The following SH3RF2 variants were observed in gnomAD, a reference collection of about 807,000 sequenced individuals.
SH3RF2 encodes the protein E3 ubiquitin-protein ligase SH3RF2.
SH3RF2 carries 43 observed loss-of-function variants against 59.0 expected under a neutral mutation model. That is an observed-to-expected ratio of 0.73 (90% CI 0.57 to 0.94). SH3RF2 has a LOEUF of 0.94. SH3RF2 is among the 40% of genes least tolerant of loss of function. SH3RF2 has a pLI of 0.00. For missense variants in SH3RF2, 930 were observed against 940.1 expected (o/e 0.99, Z 0.14); for synonymous variants, 391 against 391.5 (o/e 1.00, Z 0.01).
intron 2 of SH3RF2, 122 bp downstream of exon 2, chr5:145,938,428 TAA>T: frequency 8.4e-7 from 1 of 1,184,290 alleles, no homozygotes; most frequent in Non-Finnish European, 1.1e-6. Context: ...TTCCCAGTGA[TAA>T]GTTTCTGTGG....
rs528601978 is a variant in SH3RF2, at chr5:145,996,194, G to A, written c.379-3864G>A. 1.3e-4 allele frequency among the ~76,000 whole-genome samples: 20 copies of A among 152,234 alleles called. 1 individual carries two copies. Among genetic ancestry groups the A allele is most frequent in the South Asian group, 1.0e-3 (5 of 4,816 alleles). On this transcript the variant is annotated intron_variant, in intron 2 of 9. Transcript: ENST00000359120. The stretch of plus-strand genomic sequence containing the variant: ...AATTCTTCTTTCAAATGATCATTGC[G>A]GATTCAGGAGATCCATGAAGACCTA...
chr5:145,989,831 T>C (rs1364865901), intron 2 of SH3RF2, among the ~76,000 whole-genome samples: 1 of 152,228 alleles, frequency 6.6e-6, no homozygotes, highest in Non-Finnish European at 1.5e-5. Flanking sequence ...TCACTGTGGT[T>C]GATTCTACTC....
rs192886640 is a variant in SH3RF2 at position 145,937,504 on chromosome 5, G to C, written c.-106-319G>C. ...CTGTCCAGGAGCTTTCCCCGGGCAG[G>C]GGGTAAAGGACCTCTTCCCGCCCTG... On this transcript the variant is annotated intron_variant, in intron 1 of 9. Transcript: ENST00000359120. Among the ~76,000 whole-genome samples the C allele has an allele frequency of 7.9e-5, 12 of 152,250 alleles. No homozygotes were observed. The East Asian group carries it at 2.1e-3, about 27-fold the overall frequency.
At chr5:146,038,360 T>C (rs1762013644) in intron 5 of SH3RF2, among the ~76,000 whole-genome samples, 1 of 152,114 alleles carries the variant, frequency 6.6e-6, no homozygotes. Flanking sequence ...AAGTAAAAGG[T>C]TAAGTCTTTG....
At chr5:145,956,094 C>T (rs1758395811) in intron 2 of SH3RF2, among the ~76,000 whole-genome samples, 1 of 152,104 alleles carries the variant, frequency 6.6e-6, no homozygotes, top group Admixed American at 6.5e-5. Context: ...CATTCTGATT[C>T]AGCAGATCTG....
chr5:146,050,356 C>G lies in SH3RF2; in HGVS notation c.1322+1111C>G, dbSNP rs114169735. 6.7e-3 allele frequency among the ~76,000 whole-genome samples: 1,019 copies of G among 152,232 alleles called. 14 individuals are homozygous for G. Among genetic ancestry groups the G allele is most frequent in the African/African-American group, 0.024 (993 of 41,530 alleles). On this transcript the variant is annotated intron_variant, in intron 7 of 9. Transcript: ENST00000359120. Reference sequence around the variant, plus strand: ...CAATAAAAGGCAGCTTTTTCTAGCCCATAGATTTTTCCAACCAGGCTAGCT... The same window carrying G: ...CAATAAAAGGCAGCTTTTTCTAGCCGATAGATTTTTCCAACCAGGCTAGCT...
intron 4 of SH3RF2, among the ~76,000 whole-genome samples, chr5:146,011,808 C>T (rs1346214649): frequency 6.6e-6 from 1 of 152,174 alleles, no homozygotes; most frequent in African/African-American, 2.4e-5. Flanking sequence ...TCTAAATATA[C>T]AATCATGTCA....
At chr5:145,958,644 G>A (rs1013942803) in intron 2 of SH3RF2, among the ~76,000 whole-genome samples, 1 of 152,162 alleles carries the variant, frequency 6.6e-6, no homozygotes, top group Admixed American at 6.5e-5. Flanking sequence ...TGCAGCGTAG[G>A]CCTAACGAGA....
chr5:146,068,466 T>C (rs1026198276), intron 9 of SH3RF2, among the ~76,000 whole-genome samples: 2 of 152,212 alleles, frequency 1.3e-5, no homozygotes, highest in Non-Finnish European at 2.9e-5. Context: ...AGATTCTCTC[T>C]TTAGCTAAGA....
At chr5:146,016,723 T>G (rs1360272277) in intron 5 of SH3RF2, among the ~76,000 whole-genome samples, 1 of 152,206 alleles carries the variant, frequency 6.6e-6, no homozygotes, top group Admixed American at 6.5e-5. Context: ...ATTCTGCCAA[T>G]GTAGTTTATC....
At chr5:146,026,417 C>G (rs1761532000) in intron 5 of SH3RF2, among the ~76,000 whole-genome samples, 1 of 152,190 alleles carries the variant, frequency 6.6e-6, no homozygotes, top group Admixed American at 6.5e-5. Context: ...TTTTGCCTGT[C>G]TGGGTCCCAG....
At chr5:146,047,424 A>G (rs931658849) in intron 5 of SH3RF2, among the ~76,000 whole-genome samples, 11 of 152,012 alleles carry the variant, frequency 7.2e-5, no homozygotes. Flanking sequence ...ATTTTCCAAG[A>G]GCAGGTTTTC....
In SH3RF2 at chr5:145,962,862, T is replaced by C. The variant is rs182614065; in HGVS notation, c.378+24556T>C. On this transcript the variant is annotated intron_variant, in intron 2 of 9. Coordinates refer to ENST00000359120, the MANE Select transcript of SH3RF2 (RefSeq NM_152550.4). The stretch of plus-strand genomic sequence containing the variant: ...TTTCTCCTTCTGAATTCAGAGTTCT[T>C]TAAGGGCAATCACTGTATTATTCCA... Among the ~76,000 whole-genome samples the C allele has an allele frequency of 1.1e-3, 168 of 151,914 alleles. 3 individuals carry two copies. The highest frequency in any genetic ancestry group is 8.8e-3 in the Admixed American group (135 of 15,256).
At chr5:145,996,518 A>AT (rs5871952) in intron 2 of SH3RF2, among the ~76,000 whole-genome samples, 2 of 151,822 alleles carry the variant, frequency 1.3e-5, no homozygotes, top group African/African-American at 4.8e-5. Flanking sequence ...GCTTGAGCTG[A>AT]TTTTTTTTAA....
intron 2 of SH3RF2, among the ~76,000 whole-genome samples, chr5:145,965,165 C>T (rs1440333568): frequency 1.3e-5 from 2 of 151,954 alleles, no homozygotes; most frequent in Non-Finnish European, 2.9e-5. Flanking sequence ...TGCACTCCAG[C>T]CTGGGTGACA....
intron 5 of SH3RF2, among the ~76,000 whole-genome samples, chr5:146,030,175 C>A (rs1761691643): frequency 6.6e-6 from 1 of 152,154 alleles, no homozygotes; most frequent in Non-Finnish European, 1.5e-5. Flanking sequence ...CTTGTGCCTT[C>A]CCCCACTGCC....
In SH3RF2 at chr5:146,047,833, C is replaced by T. The variant is rs776035452; in HGVS notation, c.1121C>T (p.Pro374Leu). The T allele has an allele frequency of 1.2e-6, 2 of 1,614,150 alleles. No homozygotes were observed. The highest frequency in any genetic ancestry group is 1.7e-6 in the Non-Finnish European group (2 of 1,180,026). ...PGHSTAVVSL[P>L]GSQQHLSANM... ...CATTCCACAGCCGTGGTCAGTCTGC[C>T]TGGCTCCCAGCAACACCTCTCAGCG... Residue 374 changes from proline to leucine, a missense_variant, in exon 6 of 10, where the codon CCT becomes CTT. Physicochemically the swap from Pro to Leu is moderately conservative, Grantham distance 98 (BLOSUM62 -3). Transcript: ENST00000359120.
At chr5:145,952,775 G>A (rs1174284892) in intron 2 of SH3RF2, among the ~76,000 whole-genome samples, 1 of 152,136 alleles carries the variant, frequency 6.6e-6, no homozygotes. Flanking sequence ...GGGGAGTGAT[G>A]GCATCATATA....
chr5:146,025,921 G>A (rs1433042098), intron 5 of SH3RF2, among the ~76,000 whole-genome samples: 1 of 152,154 alleles, frequency 6.6e-6, no homozygotes, highest in African/African-American at 2.4e-5. Context: ...GCAGGGTCTT[G>A]GCAATGGTAG....
Sources: allele counts gnomAD v4.1 joint callset (sites outside exome capture counted in the v4.1 genomes callset), GRCh38; gene constraint gnomAD v4.1.1; transcripts MANE v1.5; gene names NCBI Gene and HGNC (gene_info 2026-07-23, HGNC 2026-07-21).